Variants in GPM6A observed in about 807,000 individuals in gnomAD.
GPM6A encodes glycoprotein M6A.
GPM6A carries 7 observed loss-of-function variants against 32.1 expected under a neutral mutation model. That is an observed-to-expected ratio of 0.22 (90% CI 0.12 to 0.41). The LOEUF (loss-of-function observed/expected upper bound fraction) is 0.41. GPM6A is among the 10% of genes least tolerant of loss of function. The pLI, the probability that GPM6A is intolerant of heterozygous loss-of-function variation, is 1.00. For missense variants in GPM6A, 235 were observed against 347.2 expected, an observed-to-expected ratio of 0.68 and a Z score of 2.57; for synonymous variants, 130 against 123.4, an observed-to-expected ratio of 1.05 and a Z score of -0.35.
chr4:175,814,941 C>T (rs1390948193), upstream of GPM6A, among the ~76,000 whole-genome samples: 3 of 152,174 alleles, frequency 2.0e-5, no homozygotes, highest in Admixed American at 2.0e-4. Context: ...CAAACTGAAA[C>T]TCTGTGCCCA....
intron 1 of GPM6A, among the ~76,000 whole-genome samples, chr4:175,943,887 G>A (rs62334821): frequency 0.13 from 20,451 of 152,094 alleles, 1,802 homozygotes; most frequent in Non-Finnish European, 0.19. Context: ...GGATGATGCC[G>A]GCCTCATAAA....
At chr4:175,812,594 A>G (rs1734974799), upstream of GPM6A, 12 of 1,013,070 alleles carry the variant, frequency 1.2e-5, no homozygotes, top group Middle Eastern at 1.4e-3. Flanking sequence ...TATGATTCAC[A>G]AGTCTTGCTT....
intron 1 of GPM6A, among the ~76,000 whole-genome samples, chr4:175,954,467 A>G (rs1042714127): frequency 6.6e-6 from 1 of 152,246 alleles, no homozygotes; most frequent in Non-Finnish European, 1.5e-5. Flanking sequence ...AAATGAAAAC[A>G]CTATTAGAGT....
At chr4:175,793,275 A>C (rs1292662028) in intron 1 of GPM6A, among the ~76,000 whole-genome samples, 1 of 152,158 alleles carries the variant, frequency 6.6e-6, no homozygotes, top group African/African-American at 2.4e-5. Context: ...CTGTTGGTGG[A>C]GGTTGCCTGG....
intron 1 of GPM6A, among the ~76,000 whole-genome samples, chr4:175,793,737 T>C (rs1035882068): frequency 6.6e-6 from 1 of 152,220 alleles, no homozygotes; most frequent in Non-Finnish European, 1.5e-5. Context: ...GATCATCTGA[T>C]GTCTTGACTT....
chr4:175,859,884 G>A (rs73010131), intron 1 of GPM6A, among the ~76,000 whole-genome samples: 3,788 of 151,948 alleles, frequency 0.025, 143 homozygotes, highest in African/African-American at 0.084. Context: ...TAAAAAGTAG[G>A]CAACACAAAA....
intron 1 of GPM6A, among the ~76,000 whole-genome samples, chr4:175,791,675 T>C (rs142808258): frequency 0.011 from 1,655 of 152,246 alleles, 19 homozygotes; most frequent in Middle Eastern, 0.054. Context: ...ACAAAATGAT[T>C]GTATCAGAAT....
At chr4:175,945,941 C>T (rs764620235) in intron 1 of GPM6A, among the ~76,000 whole-genome samples, 16 of 151,276 alleles carry the variant, frequency 1.1e-4, no homozygotes, top group Middle Eastern at 3.4e-3. Flanking sequence ...CTAAGTAATA[C>T]GGGTGCATAT....
intron 1 of GPM6A, among the ~76,000 whole-genome samples, chr4:175,794,173 T>C (rs2111284297): frequency 6.6e-6 from 1 of 152,342 alleles, no homozygotes; most frequent in African/African-American, 2.4e-5. Flanking sequence ...AATCTCTGGG[T>C]CTTAGCATCT....
chr4:175,992,654 C>T (rs1741187999), intron 1 of GPM6A, among the ~76,000 whole-genome samples: 1 of 152,118 alleles, frequency 6.6e-6, no homozygotes, highest in Admixed American at 6.5e-5. Flanking sequence ...TATTTAAGCA[C>T]AATATGCTTC....
Position 175,651,908 on chromosome 4 carries a change from A to T in GPM6A, c.467T>A (p.Phe156Tyr), listed in dbSNP as rs151245748. ...AFTSLPVYMY[F>Y]NLWTICRNTT... is the part of the protein sequence containing the mutation. ...GTTCCGGCAGATGGTCCACAGATTG[A>T]AGTACATGTAAACTGGCAGTGAGGT... is the stretch of plus-strand genomic sequence containing the variant. The change falls in exon 4 of 7, where the codon TTC becomes TAC. Residue 156 changes from phenylalanine (F) to tyrosine (Y), a missense_variant. By Grantham distance (22) the Phe-to-Tyr change is conservative (BLOSUM62 3). Transcript: ENST00000393658. 13 of 1,613,248 alleles carry T rather than the reference A, an allele frequency of 8.1e-6. No individual in the cohort carries two copies. The highest frequency in any genetic ancestry group is 2.7e-5 in the African/African-American group (2 of 75,006).
At chr4:175,795,226 G>A (rs1003238624) in intron 1 of GPM6A, among the ~76,000 whole-genome samples, 3 of 152,172 alleles carry the variant, frequency 2.0e-5, no homozygotes, top group Non-Finnish European at 4.4e-5. Context: ...AGGATGTAGA[G>A]TTGATTCAAC....
intron 1 of GPM6A, among the ~76,000 whole-genome samples, chr4:175,890,169 C>A (rs1003751077): frequency 1.4e-4 from 22 of 152,246 alleles, no homozygotes; most frequent in South Asian, 4.1e-4. Context: ...TTGAAAGATA[C>A]AGGAAAACAA....
chr4:175,863,036 C>T (rs1579576354), intron 1 of GPM6A, among the ~76,000 whole-genome samples: 4 of 152,076 alleles, frequency 2.6e-5, no homozygotes, highest in African/African-American at 7.2e-5. Flanking sequence ...CTCCATTTCA[C>T]TGATTCTGGT....
chr4:175,852,584 G>C (rs1237728061), intron 1 of GPM6A, among the ~76,000 whole-genome samples: 1 of 152,120 alleles, frequency 6.6e-6, no homozygotes, highest in Non-Finnish European at 1.5e-5. Context: ...GAGGCTCTTA[G>C]AGCTTATATT....
intron 1 of GPM6A, among the ~76,000 whole-genome samples, chr4:175,824,613 T>C (rs1427004835): frequency 6.6e-6 from 1 of 152,196 alleles, no homozygotes; most frequent in African/African-American, 2.4e-5. Flanking sequence ...CGAGCTACAC[T>C]TGTTTCTCCC....
chr4:175,965,838 T>C (rs1312111223), intron 1 of GPM6A, among the ~76,000 whole-genome samples: 2 of 151,980 alleles, frequency 1.3e-5, no homozygotes, highest in South Asian at 2.1e-4. Context: ...GGTCTCGAAC[T>C]CCTGACCTTG....
intron 1 of GPM6A, among the ~76,000 whole-genome samples, chr4:175,979,848 A>T (rs1434764372): frequency 6.6e-6 from 1 of 152,214 alleles, no homozygotes; most frequent in Non-Finnish European, 1.5e-5. Context: ...AACTAGCAAC[A>T]GTAGTAATGC....
At chr4:175,799,414 C>T (rs1734371015) in intron 1 of GPM6A, among the ~76,000 whole-genome samples, 1 of 152,100 alleles carries the variant, frequency 6.6e-6, no homozygotes, top group Non-Finnish European at 1.5e-5. Context: ...TAATGTTCCC[C>T]TCTCACACTA....
Sources: allele counts gnomAD v4.1 joint callset (sites outside exome capture counted in the v4.1 genomes callset), GRCh38; gene constraint gnomAD v4.1.1; transcripts MANE v1.5; gene names NCBI Gene and HGNC (gene_info 2026-07-23, HGNC 2026-07-21).